The following DGKH variants were observed in gnomAD, a reference collection of about 807,000 sequenced individuals.
DGKH encodes diacylglycerol kinase eta.
DGKH carries 90 observed loss-of-function variants against 159.3 expected under a neutral mutation model. The ratio of observed to expected loss-of-function variants is 0.57; its 90% CI spans 0.48 to 0.67. The LOEUF (loss-of-function observed/expected upper bound fraction) is 0.67. DGKH is among the 30% of genes least tolerant of loss of function. The pLI is 0.00. For synonymous variants in DGKH, 536 were observed against 553.8 expected (o/e 0.97, Z 0.45); for missense variants, 1,181 against 1,506.1 (o/e 0.78, Z 3.57).
intron 1 of DGKH, chr13:42,071,233 A>G: frequency 2.7e-6 from 1 of 374,992 alleles, no homozygotes. Flanking sequence ...TGGTTTCTTG[A>G]TGTTCATTGC....
At chr13:42,196,813 GA>G (rs1277463299) in intron 17 of DGKH, among the ~76,000 whole-genome samples, 2 of 152,052 alleles carry the variant, frequency 1.3e-5, no homozygotes, top group African/African-American at 2.4e-5. Context: ...AATATTAAAA[GA>G]AAAAAAGAAA....
At position 42,219,742 on chromosome 13, in the gene DGKH, G is replaced by A; in HGVS notation, c.3390G>A (p.Val1130=). Residue 1130 remains valine, a synonymous_variant, in exon 28 of 30, where the codon GTG becomes GTA. Transcript: ENST00000337343. The part of the protein sequence containing the change: ...RNNRSTVFRI[V]PKFKKEKVQK... ...ACAGAAGCACCGTATTTCGAATAGT[G>A]CCAAAGTTTAAAAAGGAAAAGGTTC... The A allele has an allele frequency of 1.9e-6, 3 of 1,613,786 alleles. No homozygotes were observed. The highest frequency in any genetic ancestry group is 2.2e-5 in the South Asian group (2 of 91,062).
At chr13:42,167,035 C>T (rs1432010123) in intron 9 of DGKH, among the ~76,000 whole-genome samples, 2 of 152,048 alleles carry the variant, frequency 1.3e-5, no homozygotes, top group East Asian at 1.9e-4. Context: ...TATAAATAAT[C>T]GATTATTAAA....
At chr13:42,183,099 G>T (rs1256359761) in intron 13 of DGKH, among the ~76,000 whole-genome samples, 1 of 152,022 alleles carries the variant, frequency 6.6e-6, no homozygotes, top group Non-Finnish European at 1.5e-5. Context: ...GACCAGCCTG[G>T]GCAACATAGT....
chr13:42,201,957 T>A (rs896711613), intron 20 of DGKH, among the ~76,000 whole-genome samples: 1 of 152,164 alleles, frequency 6.6e-6, no homozygotes, highest in Non-Finnish European at 1.5e-5. Context: ...ATGCCTTTTT[T>A]CCCCTACATT....
In DGKH at chr13:42,233,474, G is replaced by A. The variant is rs1958349589; in HGVS notation, c.*4286G>A. The A allele has an allele frequency of 6.6e-6, 1 of 152,224 alleles. No homozygotes were observed. Among genetic ancestry groups the A allele is most frequent in the African/African-American group, 2.4e-5 (1 of 41,452 alleles). The allele number at this position is 152,224 out of a possible 1,614,324, so 9.4% of individuals were successfully genotyped here. ...GATGTGAGGTCCGAGGGCTTCAAAA[G>A]GTCCCCGGAATAGCTTGTTCCTTCA... is the stretch of plus-strand genomic sequence containing the variant. On this transcript the variant is annotated 3_prime_UTR_variant, in exon 30 of 30. Transcript: ENST00000337343.
At chr13:42,101,155 C>A (rs927467993) in intron 1 of DGKH, among the ~76,000 whole-genome samples, 10 of 152,218 alleles carry the variant, frequency 6.6e-5, no homozygotes, top group Non-Finnish European at 2.9e-5. Context: ...GCAATGCACA[C>A]ACCACTAGCT....
intron 1 of DGKH, among the ~76,000 whole-genome samples, chr13:42,113,637 C>G (rs1251402397): frequency 6.6e-6 from 1 of 152,118 alleles, no homozygotes; most frequent in Admixed American, 6.6e-5. Context: ...ATACGAAAGC[C>G]AGGCTTGAAG....
intron 5 of DGKH, among the ~76,000 whole-genome samples, chr13:42,156,060 T>C (rs1375579826): frequency 6.6e-6 from 1 of 152,214 alleles, no homozygotes; most frequent in Non-Finnish European, 1.5e-5. Flanking sequence ...TTCTTTATTC[T>C]GGTTGATTAT....
intron 1 of DGKH, chr13:42,043,632 T>C (rs1231220134): frequency 6.6e-6 from 1 of 152,220 alleles, no homozygotes; most frequent in Non-Finnish European, 1.5e-5. Context: ...TAAAATTTGC[T>C]TTTTAAATTC....
chr13:42,152,628 G>A lies in DGKH; in HGVS notation c.385-2663G>A, dbSNP rs75917108. On this transcript the variant is annotated intron_variant, in intron 3 of 29. Transcript: ENST00000337343. ...ATGTCATTTTCCCATGGAAGGCAGG[G>A]CAGAAGGGCACAGCTGCACAGGGAC... 4.5e-3 allele frequency among the ~76,000 whole-genome samples: 675 copies of A among 151,274 alleles called. 2 individuals are homozygous for A. Among genetic ancestry groups the A allele is most frequent in the African/African-American group, 0.015 (626 of 41,396 alleles).
chr13:42,091,639 C>T (rs1250891484), intron 1 of DGKH, among the ~76,000 whole-genome samples: 1 of 152,056 alleles, frequency 6.6e-6, no homozygotes, highest in Non-Finnish European at 1.5e-5. Flanking sequence ...GAAGAGACAA[C>T]CTACAGAATG....
At chr13:42,155,265 T>C (rs1164926830) in intron 3 of DGKH, 26 bp from the exon 4 acceptor site, 3 of 1,531,000 alleles carry the variant, frequency 2.0e-6, no homozygotes, top group African/African-American at 1.4e-5. Context: ...GTATTAACAA[T>C]CATTAGATTG....
chr13:42,053,424 CTCTA>C (rs1881477729), intron 1 of DGKH, among the ~76,000 whole-genome samples: 2 of 143,188 alleles, frequency 1.4e-5, no homozygotes, highest in South Asian at 4.3e-4. Context: ...ATATATGTAA[CTCTA>C]TATGTAGCTA....
At chr13:42,204,324 A>G (rs1044441464) in intron 20 of DGKH, among the ~76,000 whole-genome samples, 2 of 152,252 alleles carry the variant, frequency 1.3e-5, no homozygotes, top group African/African-American at 2.4e-5. Context: ...ACAAATATAC[A>G]TTGAGCACCA....
intron 20 of DGKH, among the ~76,000 whole-genome samples, chr13:42,200,175 A>G (rs1440453790): frequency 6.6e-6 from 1 of 152,212 alleles, no homozygotes; most frequent in Non-Finnish European, 1.5e-5. Context: ...AAGGGAGCAC[A>G]TTTATAGGAG....
At chr13:42,051,745 C>T (rs547796814) in intron 1 of DGKH, among the ~76,000 whole-genome samples, 1 of 145,526 alleles carries the variant, frequency 6.9e-6, no homozygotes, top group African/African-American at 2.5e-5. Context: ...CTGCAGCCTC[C>T]ACCTCCCAGG....
intron 11 of DGKH, among the ~76,000 whole-genome samples, chr13:42,169,323 CA>C (rs760880336): frequency 3.1e-4 from 47 of 152,194 alleles, no homozygotes; most frequent in Non-Finnish European, 4.7e-4. Context: ...AGTCCTTTCC[CA>C]GGGGCAGGAA....
chr13:42,192,086 T>C (rs1021136913), intron 16 of DGKH, among the ~76,000 whole-genome samples: 1 of 152,196 alleles, frequency 6.6e-6, no homozygotes, highest in Non-Finnish European at 1.5e-5. Context: ...GTGTTCACTG[T>C]CATCTTTATT....
Sources: allele counts gnomAD v4.1 joint callset (sites outside exome capture counted in the v4.1 genomes callset), GRCh38; gene constraint gnomAD v4.1.1; transcripts MANE v1.5; gene names NCBI Gene and HGNC (gene_info 2026-07-23, HGNC 2026-07-21).